SEMA3A: variants seen among roughly 807,000 people sequenced by gnomAD.
The protein encoded by SEMA3A is semaphorin-3A.
Under a neutral mutation model 97.9 loss-of-function variants are expected in SEMA3A, and 29 were observed. The ratio of observed to expected loss-of-function variants is 0.30; its 90% CI spans 0.22 to 0.40. The LOEUF (loss-of-function observed/expected upper bound fraction) is 0.40. SEMA3A is among the 10% of genes least tolerant of loss of function. The pLI is 1.00. For synonymous variants in SEMA3A, 321 were observed against 323.7 expected (o/e 0.99, Z 0.09); for missense variants, 763 against 951.3 (o/e 0.80, Z 2.60).
intron 4 of SEMA3A, among the ~76,000 whole-genome samples, chr7:84,079,288 A>G (rs1261721721): frequency 6.6e-6 from 1 of 151,870 alleles, no homozygotes; most frequent in Non-Finnish European, 1.5e-5. Context: ...GGACATAGGC[A>G]TGGGCAAGGA....
chr7:84,403,238 C>T (rs796490193), intron 1 of SEMA3A, among the ~76,000 whole-genome samples: 3 of 152,290 alleles, frequency 2.0e-5, no homozygotes, highest in African/African-American at 7.2e-5. Flanking sequence ...AACGGCACAC[C>T]AGGAGATTAT....
chr7:84,159,364 C>T lies in SEMA3A; in HGVS notation c.113-24413G>A, dbSNP rs58908055. 9.3e-3 allele frequency among the ~76,000 whole-genome samples: 1,412 copies of T among 151,996 alleles called. 26 individuals are homozygous for T. Among genetic ancestry groups the T allele is most frequent in the South Asian group, 0.075 (363 of 4,818 alleles). On this transcript the variant is annotated intron_variant, in intron 1 of 16. Coordinates refer to ENST00000265362, the MANE Select transcript of SEMA3A (RefSeq NM_006080.3). Reference sequence around the variant, plus strand: ...TAACTGTTACATCTTGCAAGAACAGCAATTTAAAAAAAAATCTTTTTCCGT... The same window carrying T: ...TAACTGTTACATCTTGCAAGAACAGTAATTTAAAAAAAAATCTTTTTCCGT...
At chr7:84,353,760 G>A (rs1802489550) in intron 2 of SEMA3A, among the ~76,000 whole-genome samples, 1 of 151,606 alleles carries the variant, frequency 6.6e-6, no homozygotes, top group African/African-American at 2.4e-5. Flanking sequence ...TATTTTGGGG[G>A]GAGGATAAGG....
chr7:84,002,000 C>G lies in SEMA3A; in HGVS notation c.1407G>C (p.Trp469Cys), dbSNP rs750757537. The G allele has an allele frequency of 2.5e-6, 4 of 1,612,784 alleles. No individual in the cohort carries two copies. The highest frequency in any genetic ancestry group is 3.4e-6 in the Non-Finnish European group (4 of 1,179,302). The stretch of plus-strand genomic sequence containing the variant: ...CCAGCAGAACCTCTTCTAAATCATA[C>G]CAAGTCTCCTTAGGAATTGAAACTA... ...LKVVSIPKET[W>C]YDLEEVLLEE... The change falls in exon 12 of 17, where the codon TGG (tryptophan) becomes TGC (cysteine). Residue 469 changes from tryptophan (W) to cysteine (C), a missense_variant. Transcript: ENST00000265362.
intron 1 of SEMA3A, among the ~76,000 whole-genome samples, chr7:84,416,818 T>C (rs754334358): frequency 1.3e-5 from 2 of 152,126 alleles, no homozygotes; most frequent in Non-Finnish European, 2.9e-5. Flanking sequence ...TGGACAGATA[T>C]GATTTACAGT....
chr7:84,093,816 A>T (rs1041577381), intron 4 of SEMA3A, among the ~76,000 whole-genome samples: 12 of 152,048 alleles, frequency 7.9e-5, no homozygotes, highest in Non-Finnish European at 1.3e-4. Flanking sequence ...GGAGAGCATC[A>T]GGAAAAATAG....
At chr7:84,275,222 T>A (rs1800263860) in intron 3 of SEMA3A, among the ~76,000 whole-genome samples, 1 of 152,074 alleles carries the variant, frequency 6.6e-6, no homozygotes, top group African/African-American at 2.4e-5. Context: ...CATCCATACA[T>A]CCACTTACCA....
intron 3 of SEMA3A, among the ~76,000 whole-genome samples, chr7:84,254,666 A>T (rs1799676594): frequency 1.3e-5 from 2 of 149,888 alleles, no homozygotes; most frequent in African/African-American, 5.1e-5. Flanking sequence ...TAAAGTACAC[A>T]TATTTTAACT....
intron 4 of SEMA3A, among the ~76,000 whole-genome samples, chr7:84,081,572 G>A (rs1017366487): frequency 2.1e-5 from 3 of 144,572 alleles, no homozygotes; most frequent in African/African-American, 7.7e-5. Context: ...TAGCCTGGGC[G>A]ACAGAGCGAG....
At chr7:84,091,070 A>G (rs1350067798) in intron 4 of SEMA3A, among the ~76,000 whole-genome samples, 2 of 144,546 alleles carry the variant, frequency 1.4e-5, no homozygotes, top group African/African-American at 5.0e-5. Context: ...GTGAGACTCC[A>G]ACTCAAAATG....
At chr7:84,030,987 G>GTTTTTTTTTTTTT (rs10615974) in intron 6 of SEMA3A, among the ~76,000 whole-genome samples, 1 of 95,022 alleles carries the variant, frequency 1.1e-5, no homozygotes, top group Non-Finnish European at 1.9e-5. Context: ...TTTTGGTCAA[G>GTTTTTTTTTTTTT]TTTTTTTTTT....
intron 3 of SEMA3A, among the ~76,000 whole-genome samples, chr7:84,234,858 G>A (rs1799196832): frequency 6.6e-6 from 1 of 151,946 alleles, no homozygotes; most frequent in Admixed American, 6.6e-5. Context: ...GTAATCTTTT[G>A]TAGTTTCATT....
At chr7:84,281,982 G>C (rs985148106) in intron 3 of SEMA3A, among the ~76,000 whole-genome samples, 31 of 152,194 alleles carry the variant, frequency 2.0e-4, no homozygotes, top group African/African-American at 6.3e-4. Flanking sequence ...CCATTTATCT[G>C]CTACCCAGAA....
In SEMA3A at chr7:84,313,393, TATATATATATATA is replaced by T. The variant is rs1801409639; in HGVS notation, c.-168-6114_-168-6102del. On this transcript the variant is annotated intron_variant, in intron 2 of 3. Transcript: ENST00000424555. ...ATATATATATATATATATATATATA[TATATATATATATA>T]AACTATACGTGACTCCTGATAAGAG... is the stretch of plus-strand genomic sequence containing the variant. 3.9e-5 allele frequency among the ~76,000 whole-genome samples: 4 copies of T among 101,340 alleles called. 1 individual carries two copies. Among genetic ancestry groups the T allele is most frequent in the African/African-American group, 1.4e-4 (4 of 29,532 alleles). The allele number at this position is 101,340 out of a possible 152,430, so 66.5% of individuals were successfully genotyped here.
chr7:84,293,494 A>T (rs1217731266), intron 3 of SEMA3A, among the ~76,000 whole-genome samples: 1 of 151,360 alleles, frequency 6.6e-6, no homozygotes, highest in Non-Finnish European at 1.5e-5. Context: ...TAGACATGAG[A>T]AAAGTATCAA....
chr7:84,019,457 TGG>T (rs1791238325), intron 6 of SEMA3A, among the ~76,000 whole-genome samples: 1 of 151,832 alleles, frequency 6.6e-6, no homozygotes, highest in South Asian at 2.1e-4. Context: ...TTCTCACAAG[TGG>T]GGAGTTGCAG....
chr7:84,237,954 T>C (rs892569789), intron 3 of SEMA3A, among the ~76,000 whole-genome samples: 15 of 152,234 alleles, frequency 9.9e-5, no homozygotes, highest in Admixed American at 2.6e-4. Context: ...AGTACTATCA[T>C]AGGCCACCAT....
chr7:84,284,116 G>A (rs1437485346), intron 3 of SEMA3A, among the ~76,000 whole-genome samples: 3 of 151,974 alleles, frequency 2.0e-5, no homozygotes, highest in African/African-American at 7.2e-5. Flanking sequence ...TTAGATAGTT[G>A]TATGATACAA....
chr7:84,153,414 A>G (rs1387397112), intron 1 of SEMA3A, among the ~76,000 whole-genome samples: 1 of 152,168 alleles, frequency 6.6e-6, no homozygotes, highest in Non-Finnish European at 1.5e-5. Context: ...CACTGATTTA[A>G]TATACACTGC....
Sources: gnomAD v4.1 joint callset for allele counts (sites outside exome capture counted in the v4.1 genomes callset) on GRCh38, gnomAD v4.1.1 for gene constraint, MANE v1.5 for transcripts, NCBI Gene and HGNC (gene_info 2026-07-23, HGNC 2026-07-21) for gene names.